INPP4B: variants seen among roughly 807,000 people sequenced by gnomAD.
INPP4B encodes inositol polyphosphate-4-phosphatase type II B, also known as inositol polyphosphate 4-phosphatase type II.
A neutral mutation model predicts 122.5 loss-of-function variants in INPP4B; 55 were observed. That is an observed-to-expected ratio of 0.45 (90% CI 0.36 to 0.56). The LOEUF (loss-of-function observed/expected upper bound fraction) is 0.56, where lower values mean the gene tolerates loss of function less well. Ranked by LOEUF, INPP4B falls within the 20% of genes least tolerant of loss-of-function variation. INPP4B has a pLI of 0.00. For missense variants in INPP4B, 1,000 were observed against 1,097.7 expected (o/e 0.91, Z 1.26); for synonymous variants, 403 against 388.7 (o/e 1.04, Z -0.43).
At chr4:142,077,216 T>C (rs1771281497) in intron 25 of INPP4B, among the ~76,000 whole-genome samples, 1 of 151,946 alleles carries the variant, frequency 6.6e-6, no homozygotes, top group Non-Finnish European at 1.5e-5. Context: ...GCGAGGGTGA[T>C]ACATAGGTAT....
At chr4:142,136,552 G>C (rs937370304) in intron 18 of INPP4B, among the ~76,000 whole-genome samples, 1 of 152,184 alleles carries the variant, frequency 6.6e-6, no homozygotes, top group Non-Finnish European at 1.5e-5. Context: ...AGCTTTGAAA[G>C]CTCAGGAATG....
intron 9 of INPP4B, among the ~76,000 whole-genome samples, chr4:142,290,977 T>TG (rs1446838920): frequency 6.6e-6 from 1 of 152,160 alleles, no homozygotes; most frequent in Non-Finnish European, 1.5e-5. Flanking sequence ...ATTATTATTA[T>TG]TTTTAAATCT....
intron 2 of INPP4B, among the ~76,000 whole-genome samples, chr4:142,558,545 A>T (rs1729702169): frequency 6.6e-6 from 1 of 152,130 alleles, no homozygotes; most frequent in Non-Finnish European, 1.5e-5. Flanking sequence ...TATAATCCAT[A>T]GGTATTATTC....
chr4:142,271,914 G>A (rs1029307268), intron 9 of INPP4B, among the ~76,000 whole-genome samples: 1 of 152,098 alleles, frequency 6.6e-6, no homozygotes. Context: ...CCTTTTCCGA[G>A]CAAGAAAAAC....
intron 2 of INPP4B, among the ~76,000 whole-genome samples, chr4:142,549,825 G>C (rs921867985): frequency 6.6e-6 from 1 of 152,152 alleles, no homozygotes; most frequent in Non-Finnish European, 1.5e-5. Context: ...TTATTTCCTG[G>C]TAAATATCTC....
At position 142,448,419 on chromosome 4, in the gene INPP4B, C is replaced by T. The variant is rs1296710480; in HGVS notation, c.-127+14244G>A. Among the ~76,000 whole-genome samples, 6 of 150,592 alleles carry T rather than the reference C, an allele frequency of 4.0e-5. No homozygotes were observed. In the Middle Eastern group the frequency reaches 0.014, roughly 351 times the overall value. On this transcript the variant is annotated intron_variant, in intron 3 of 25. Transcript: ENST00000262992. ...AATAGTGAAGCATTAAACTTGTTCA[C>T]GTCACAACAATGTCACAACATTTCT...
At chr4:142,613,868 G>A (rs1009610637) in intron 2 of INPP4B, among the ~76,000 whole-genome samples, 15 of 152,106 alleles carry the variant, frequency 9.9e-5, no homozygotes, top group African/African-American at 4.8e-5. Context: ...TTTGCAAATG[G>A]TAAGTCCTCC....
At chr4:142,333,092 G>C (rs1199048653) in intron 7 of INPP4B, among the ~76,000 whole-genome samples, 1 of 150,610 alleles carries the variant, frequency 6.6e-6, no homozygotes, top group African/African-American at 2.5e-5. Flanking sequence ...AACAGAGACA[G>C]ATTACATGGA....
chr4:142,448,704 G>A (rs1268882822), intron 3 of INPP4B, among the ~76,000 whole-genome samples: 1 of 152,126 alleles, frequency 6.6e-6, no homozygotes, highest in Non-Finnish European at 1.5e-5. Context: ...TACTTTGAAG[G>A]CTACCATCAT....
At chr4:142,314,903 A>C in intron 7 of INPP4B, 141 bp from the exon 8 acceptor site, 1 of 679,854 alleles carries the variant, frequency 1.5e-6, no homozygotes, top group South Asian at 2.1e-5. Flanking sequence ...CCTGTGTGCA[A>C]CACCTGCGGC....
intron 1 of INPP4B, among the ~76,000 whole-genome samples, chr4:142,737,825 A>C (rs1767207991): frequency 6.6e-6 from 1 of 152,246 alleles, no homozygotes; most frequent in Admixed American, 6.5e-5. Flanking sequence ...TCTCAAAAGA[A>C]GACATTTATG....
chr4:142,811,778 T>A (rs79559071), intron 1 of INPP4B, among the ~76,000 whole-genome samples: 5,162 of 152,306 alleles, frequency 0.034, 105 homozygotes, highest in Non-Finnish European at 0.041. Flanking sequence ...CATTTCTTCA[T>A]TTTATTTTCA....
rs928569381 is a variant in INPP4B, at chr4:142,842,640, CATAAT to C, written c.-254+3564_-254+3568del. ...ATATATTTATATATAATAATCCTAA[CATAAT>C]ATATTATGTTAATATATAACATAAT... On this transcript the variant is annotated intron_variant, in intron 1 of 25. Coordinates refer to ENST00000262992, the MANE Select transcript of INPP4B (RefSeq NM_001101669.3). Among the ~76,000 whole-genome samples the C allele has an allele frequency of 3.1e-5, 4 of 130,170 alleles. No homozygotes were observed. In the South Asian group the frequency reaches 9.1e-4, roughly 30 times the overall value. The allele number at this position is 130,170 out of a possible 152,430, so 85.4% of individuals were successfully genotyped here.
chr4:142,412,145 T>C (rs560799028), intron 5 of INPP4B, among the ~76,000 whole-genome samples: 1 of 152,276 alleles, frequency 6.6e-6, no homozygotes, highest in African/African-American at 2.4e-5. Flanking sequence ...ATTTAGGTTA[T>C]GTTTCCAGTC....
At chr4:142,485,183 G>A (rs887956642) in intron 2 of INPP4B, among the ~76,000 whole-genome samples, 2 of 152,046 alleles carry the variant, frequency 1.3e-5, no homozygotes, top group Admixed American at 6.6e-5. Flanking sequence ...TTTGATCTTA[G>A]GCCAGAAAGC....
chr4:142,547,376 A>C (rs1399299527), intron 2 of INPP4B, among the ~76,000 whole-genome samples: 1 of 152,118 alleles, frequency 6.6e-6, no homozygotes, highest in African/African-American at 2.4e-5. Flanking sequence ...TCACAGATTT[A>C]ATGAAGGATC....
At chr4:142,547,318 C>T (rs1284180280) in intron 2 of INPP4B, among the ~76,000 whole-genome samples, 1 of 151,946 alleles carries the variant, frequency 6.6e-6, no homozygotes, top group Non-Finnish European at 1.5e-5. Flanking sequence ...ATAAAACATC[C>T]TGACAAAACA....
intron 15 of INPP4B, among the ~76,000 whole-genome samples, chr4:142,185,314 A>G (rs1832649790): frequency 2.0e-5 from 3 of 151,682 alleles, no homozygotes; most frequent in Admixed American, 6.6e-5. Flanking sequence ...TCAATATCTC[A>G]ATCTTGAGGT....
chr4:142,408,000 C>G (rs976292538), intron 5 of INPP4B, among the ~76,000 whole-genome samples: 1 of 152,142 alleles, frequency 6.6e-6, no homozygotes. Context: ...CTCAGTCATA[C>G]TCAGCTTTTT....
Sources: gnomAD v4.1 joint callset for allele counts (sites outside exome capture counted in the v4.1 genomes callset) on GRCh38, gnomAD v4.1.1 for gene constraint, MANE v1.5 for transcripts, NCBI Gene and HGNC (gene_info 2026-07-23, HGNC 2026-07-21) for gene names.